Variants in PCDHA9 observed in about 807,000 individuals in gnomAD.
PCDHA9 encodes protocadherin alpha 9.
In PCDHA9, 62 loss-of-function variants were observed where a neutral mutation model predicts 62.0. That is an observed-to-expected ratio of 1.00 (90% CI 0.81 to 1.23). The LOEUF (loss-of-function observed/expected upper bound fraction) is 1.23, where lower values mean the gene tolerates loss of function less well. Ranked by LOEUF, PCDHA9 falls within the 50% of genes most tolerant of loss-of-function variation. The pLI is 0.00. For missense variants in PCDHA9, 1,205 were observed against 1,249.8 expected, an observed-to-expected ratio of 0.96 and a Z score of 0.54; for synonymous variants, 557 against 567.6, an observed-to-expected ratio of 0.98 and a Z score of 0.27.
chr5:140,970,751 T>G (rs2096430046), intron 1 of PCDHA9, among the ~76,000 whole-genome samples: 1 of 152,232 alleles, frequency 6.6e-6, no homozygotes, highest in African/African-American at 2.4e-5. Flanking sequence ...GCAATATATT[T>G]TCATTGACAT....
intron 1 of PCDHA9, among the ~76,000 whole-genome samples, chr5:140,872,369 G>A (rs192689204): frequency 1.3e-4 from 20 of 152,274 alleles, no homozygotes; most frequent in Admixed American, 1.2e-3. Context: ...GTTCAGGCCT[G>A]TAATCCCAGC....
In PCDHA9 at chr5:140,903,474, C is replaced by T. The variant is rs1257250947; in HGVS notation, c.2394+52585C>T. Among the ~76,000 whole-genome samples, 4 of 152,106 alleles carry T rather than the reference C, an allele frequency of 2.6e-5. No homozygotes were observed. In the East Asian group the frequency reaches 7.7e-4, roughly 29 times the overall value. The stretch of plus-strand genomic sequence containing the variant: ...ATCAAACTTAAAATATTATTCCTTG[C>T]ATTATAGTTCTGAGCAGGTACCATA... On this transcript the variant is annotated intron_variant, in intron 1 of 3. Transcript: ENST00000532602.
chr5:140,870,582 G>T (rs1554164436), intron 1 of PCDHA9: 2 of 1,613,846 alleles, frequency 1.2e-6, no homozygotes, highest in Non-Finnish European at 1.7e-6. Flanking sequence ...CCTACTCGCT[G>T]GTGGAGCGGC....
At position 140,848,645 on chromosome 5, in the gene PCDHA9, G is replaced by T; in HGVS notation, c.150G>T (p.Gln50His). 1.9e-6 allele frequency: 3 copies of T among 1,593,204 alleles called. 1 individual carries two copies. The highest frequency in any genetic ancestry group is 2.6e-6 in the Non-Finnish European group (3 of 1,163,878). Reference sequence around the variant, plus strand: ...GCACCTTCGTGGGCCGCATCGCGCAGGACCTGGGGCTGGAGCTGGCGGAGC... The same window carrying T: ...GCACCTTCGTGGGCCGCATCGCGCATGACCTGGGGCTGGAGCTGGCGGAGC... Reference protein sequence around the residue: ...EHGTFVGRIAQDLGLELAELV... With the variant: ...EHGTFVGRIAHDLGLELAELV... The change falls in exon 1 of 4, where the codon CAG becomes CAT. Residue 50 changes from glutamine (Q) to histidine (H), a missense_variant. Coordinates refer to ENST00000532602, the MANE Select transcript of PCDHA9 (RefSeq NM_031857.2).
At chr5:140,958,495 C>A (rs559117374) in intron 1 of PCDHA9, among the ~76,000 whole-genome samples, 1 of 152,020 alleles carries the variant, frequency 6.6e-6, no homozygotes, top group Non-Finnish European at 1.5e-5. Flanking sequence ...TCCACATATC[C>A]TAGGAGGCAT....
chr5:140,926,997 C>T (rs782110120), intron 1 of PCDHA9: 3 of 1,612,104 alleles, frequency 1.9e-6, no homozygotes, highest in Admixed American at 3.3e-5. Context: ...GGGGCGTAGC[C>T]GTAGGCAATC....
chr5:141,006,361 A>G (rs1384420854), intron 3 of PCDHA9, among the ~76,000 whole-genome samples: 3 of 151,846 alleles, frequency 2.0e-5, no homozygotes, highest in African/African-American at 7.3e-5. Context: ...ATAGGCGCCC[A>G]CCACCACGCC....
chr5:140,881,259 C>T (rs1285019236), intron 1 of PCDHA9: 6 of 524,478 alleles, frequency 1.1e-5, no homozygotes, highest in Non-Finnish European at 9.8e-6. Flanking sequence ...AGGTTTTACT[C>T]AGTGATGATG....
At chr5:140,925,938 T>C (rs1357099773) in intron 1 of PCDHA9, among the ~76,000 whole-genome samples, 1 of 138,492 alleles carries the variant, frequency 7.2e-6, no homozygotes, top group Non-Finnish European at 1.5e-5. Context: ...GTAGAGCCTC[T>C]TGGAGAAGGA....
At chr5:140,962,673 C>T (rs1409804701) in intron 1 of PCDHA9, among the ~76,000 whole-genome samples, 2 of 152,164 alleles carry the variant, frequency 1.3e-5, no homozygotes, top group African/African-American at 4.8e-5. Flanking sequence ...TTCCCATCCA[C>T]TGGATGTTTT....
Position 140,896,030 on chromosome 5 carries a change from C to T in PCDHA9, c.2394+45141C>T, listed in dbSNP as rs180907288. On this transcript the variant is annotated intron_variant, in intron 1 of 3. Transcript: ENST00000532602. ...TTCTCCATGTTGGCCAGGCTGGTCT[C>T]GAACTCCTGACCTCAGGTGATCCGC... Among the ~76,000 whole-genome samples, 1,221 of 152,240 alleles carry T rather than the reference C, an allele frequency of 8.0e-3. 6 individuals are homozygous for T. The highest frequency in any genetic ancestry group is 0.019 in the African/African-American group (785 of 41,560).
At chr5:140,961,108 C>T (rs1027018505) in intron 1 of PCDHA9, among the ~76,000 whole-genome samples, 1 of 152,174 alleles carries the variant, frequency 6.6e-6, no homozygotes, top group Non-Finnish European at 1.5e-5. Flanking sequence ...CACCCAACCC[C>T]CTTGCATCTT....
At chr5:140,980,189 A>T (rs2096879459) in intron 2 of PCDHA9, among the ~76,000 whole-genome samples, 1 of 152,226 alleles carries the variant, frequency 6.6e-6, no homozygotes, top group African/African-American at 2.4e-5. Context: ...CTTTATATTT[A>T]TTAGAGACCA....
In PCDHA9 at chr5:140,848,611, C is replaced by A. The variant is rs2150414621; in HGVS notation, c.116C>A (p.Ala39Asp). The change falls in exon 1 of 4, where the codon GCC becomes GAC. Residue 39 changes from alanine (A) to aspartate (D), a missense_variant. By Grantham distance (126) the Ala-to-Asp change is moderately radical. Transcript: ENST00000532602. ...CTCCACTACTCCGTCCCGGAGGAAG[C>A]CGAACACGGCACCTTCGTGGGCCGC... is the stretch of plus-strand genomic sequence containing the variant. Reference protein sequence around the residue: ...GQLHYSVPEEAEHGTFVGRIA... With the variant: ...GQLHYSVPEEDEHGTFVGRIA... The A allele has an allele frequency of 6.3e-7, 1 of 1,593,572 alleles. No individual in the cohort carries two copies. Among genetic ancestry groups the A allele is most frequent in the African/African-American group, 1.3e-5 (1 of 74,514 alleles).
intron 2 of PCDHA9, among the ~76,000 whole-genome samples, chr5:140,981,152 C>T (rs1340087244): frequency 6.6e-6 from 1 of 152,210 alleles, no homozygotes; most frequent in African/African-American, 2.4e-5. Flanking sequence ...AAACATTGAA[C>T]TTATATGTTG....
intron 1 of PCDHA9, among the ~76,000 whole-genome samples, chr5:140,921,888 AAGG>A (rs1354196773): frequency 2.0e-5 from 3 of 152,090 alleles, no homozygotes; most frequent in African/African-American, 7.2e-5. Flanking sequence ...AGATTTTAGA[AAGG>A]AGGATAAATA....
intron 3 of PCDHA9, among the ~76,000 whole-genome samples, chr5:140,986,774 A>G (rs1201484926): frequency 6.6e-6 from 1 of 152,226 alleles, no homozygotes; most frequent in Non-Finnish European, 1.5e-5. Context: ...TTAATTAGGT[A>G]GCGGAAGCCA....
At position 140,876,146 on chromosome 5, in the gene PCDHA9, C is replaced by G. The variant is rs75398909; in HGVS notation, c.2394+25257C>G. The G allele has an allele frequency of 1.6e-3, 2,650 of 1,613,952 alleles. 40 individuals carry two copies. In the African/African-American group the frequency reaches 0.028, roughly 17 times the overall value. ...GGCGGTAAACCAGAACTAACAGGGT[C>G]TGTCCAGATTCAAATAACCGTCCTG... On this transcript the variant is annotated intron_variant, in intron 1 of 3. Coordinates refer to ENST00000532602, the MANE Select transcript of PCDHA9 (RefSeq NM_031857.2).
At chr5:140,894,414 C>A (rs1554186083) in intron 1 of PCDHA9, among the ~76,000 whole-genome samples, 2 of 151,928 alleles carry the variant, frequency 1.3e-5, no homozygotes, top group African/African-American at 4.8e-5. Flanking sequence ...TCTTTTGTAG[C>A]TAACACTCCT....
Sources: gnomAD v4.1 joint callset for allele counts (sites outside exome capture counted in the v4.1 genomes callset) on GRCh38, gnomAD v4.1.1 for gene constraint, MANE v1.5 for transcripts, NCBI Gene and HGNC (gene_info 2026-07-23, HGNC 2026-07-21) for gene names.